Variants in PANX1 observed in about 807,000 individuals in gnomAD.
PANX1 encodes the protein pannexin 1, also known as pannexin-1.
A neutral mutation model predicts 38.7 loss-of-function variants in PANX1; 30 were observed. That is an observed-to-expected ratio of 0.78 (90% confidence interval 0.58 to 1.05). PANX1 has a LOEUF of 1.05. Among genes scored for constraint, PANX1 ranks in the 50% least tolerant of loss-of-function variants. The pLI, the probability that PANX1 is intolerant of heterozygous loss-of-function variation, is 0.00. For synonymous variants in PANX1, 230 were observed against 212.2 expected, an observed-to-expected ratio of 1.08 and a Z score of -0.73; for missense variants, 551 against 517.2, an observed-to-expected ratio of 1.07 and a Z score of -0.63.
At chr11:94,131,114 G>A (rs1469252814) in intron 1 of PANX1, among the ~76,000 whole-genome samples, 2 of 152,070 alleles carry the variant, frequency 1.3e-5, no homozygotes, top group South Asian at 2.1e-4. Flanking sequence ...TGCTGAACTC[G>A]GTGCTGACCT....
At chr11:94,132,946 T>TAG (rs1340180537) in intron 1 of PANX1, among the ~76,000 whole-genome samples, 4 of 152,162 alleles carry the variant, frequency 2.6e-5, no homozygotes, top group Non-Finnish European at 1.5e-5. Context: ...TGTTGTAGGT[T>TAG]AGAGAGAGGG....
intron 2 of PANX1, among the ~76,000 whole-genome samples, chr11:94,156,288 A>T (rs181967527): frequency 8.5e-5 from 13 of 152,358 alleles, no homozygotes; most frequent in African/African-American, 2.4e-4. Context: ...CAGTATAGGT[A>T]GCCAAACCTT....
chr11:94,134,800 C>T (rs948074296), intron 1 of PANX1, among the ~76,000 whole-genome samples: 5 of 152,090 alleles, frequency 3.3e-5, no homozygotes, highest in African/African-American at 9.7e-5. Context: ...CATCTGCAAA[C>T]TAGGAAAAGA....
At chr11:94,137,620 A>G (rs1225893675) in intron 1 of PANX1, among the ~76,000 whole-genome samples, 3 of 149,576 alleles carry the variant, frequency 2.0e-5, no homozygotes, top group Non-Finnish European at 3.0e-5. Context: ...AGGGGGCCTA[A>G]AGAGAATCTA....
At chr11:94,155,447 G>A (rs976773467) in intron 2 of PANX1, among the ~76,000 whole-genome samples, 3 of 152,020 alleles carry the variant, frequency 2.0e-5, no homozygotes, top group Non-Finnish European at 4.4e-5. Flanking sequence ...GCGGGAGGTA[G>A]AGGTTGAAGA....
intron 2 of PANX1, among the ~76,000 whole-genome samples, chr11:94,159,044 A>G (rs1946988694): frequency 6.6e-6 from 1 of 152,152 alleles, no homozygotes; most frequent in Admixed American, 6.5e-5. Context: ...TATATGCTGG[A>G]TTACATTTAT....
At chr11:94,143,679 A>G (rs766849139) in intron 1 of PANX1, among the ~76,000 whole-genome samples, 1 of 152,178 alleles carries the variant, frequency 6.6e-6, no homozygotes, top group Non-Finnish European at 1.5e-5. Context: ...TAAAGACTCC[A>G]GAGAACCTCT....
At chr11:94,149,378 C>A (rs971768397) in intron 1 of PANX1, among the ~76,000 whole-genome samples, 2 of 152,144 alleles carry the variant, frequency 1.3e-5, no homozygotes, top group African/African-American at 4.8e-5. Context: ...AAGGTGTGAC[C>A]AGCACCCTAT....
chr11:94,151,582 A>C (rs184194213), intron 1 of PANX1, among the ~76,000 whole-genome samples: 3 of 152,330 alleles, frequency 2.0e-5, no homozygotes, highest in Admixed American at 2.0e-4. Flanking sequence ...TTAGGTATTT[A>C]CTGTTGCCCT....
chr11:94,153,203 G>T lies in PANX1; in HGVS notation c.182-288G>T, dbSNP rs1017782733. Among the ~76,000 whole-genome samples, 5 of 151,924 alleles carry T rather than the reference G, an allele frequency of 3.3e-5. No homozygotes were observed. The East Asian group carries it at 9.7e-4, about 29-fold the overall frequency. ...CTCCACGCTTGCCTCTTGAATTCTGGGCTCTGGTTCTTTTCCTGCTTCCTT... is the reference window on the plus strand; with the variant it reads ...CTCCACGCTTGCCTCTTGAATTCTGTGCTCTGGTTCTTTTCCTGCTTCCTT... On this transcript the variant is annotated intron_variant, in intron 1 of 4. Coordinates refer to ENST00000227638, the MANE Select transcript of PANX1 (RefSeq NM_015368.4).
chr11:94,159,693 G>A (rs34032481), intron 2 of PANX1, among the ~76,000 whole-genome samples: 82,172 of 151,402 alleles, frequency 0.54, 23,131 homozygotes, highest in African/African-American at 0.68. Context: ...GGATTTATTG[G>A]TTGTTTGAAG....
chr11:94,178,311 C>T, intron 2 of PANX1, 58 bp from the exon 3 acceptor site: 4 of 1,305,376 alleles, frequency 3.1e-6, no homozygotes, highest in Non-Finnish European at 4.4e-6. Context: ...TCACTTGGCG[C>T]CATAGGTTAC....
Position 94,180,057 on chromosome 11 carries a change from T to TA in PANX1, c.1001_1002insA (p.Phe334LeufsTer8), listed in dbSNP as rs1420055472. On this transcript the variant is annotated frameshift_variant, in exon 4 of 5. Coordinates refer to ENST00000227638, the MANE Select transcript of PANX1 (RefSeq NM_015368.4). LOFTEE classifies it high-confidence loss of function. ...AACGATTTGAGCCTCTACAATCTCT[T>TA]CTTGGAGGAAAATATAAGTGAGGTC... The TA allele has an allele frequency of 6.2e-7, 1 of 1,612,540 alleles. No individual in the cohort carries two copies. Among genetic ancestry groups the TA allele is most frequent in the Admixed American group, 1.7e-5 (1 of 59,954 alleles).
chr11:94,179,276 CT>C (rs1404958788), intron 3 of PANX1, among the ~76,000 whole-genome samples: 1 of 152,154 alleles, frequency 6.6e-6, no homozygotes, highest in African/African-American at 2.4e-5. Context: ...CCCATACCCC[CT>C]GAGTTGTCCC....
chr11:94,158,589 C>G (rs1389764406), intron 2 of PANX1, among the ~76,000 whole-genome samples: 1 of 152,128 alleles, frequency 6.6e-6, no homozygotes, highest in Non-Finnish European at 1.5e-5. Flanking sequence ...GATTTTTGCA[C>G]ATTGATTTTG....
At chr11:94,176,763 A>T (rs1345252305) in intron 2 of PANX1, among the ~76,000 whole-genome samples, 1 of 151,638 alleles carries the variant, frequency 6.6e-6, no homozygotes, top group Non-Finnish European at 1.5e-5. Flanking sequence ...GAGTAAAGTA[A>T]TTGAGAGTGT....
At chr11:94,130,631 G>A (rs1223195059) in intron 1 of PANX1, among the ~76,000 whole-genome samples, 1 of 152,178 alleles carries the variant, frequency 6.6e-6, no homozygotes, top group Non-Finnish European at 1.5e-5. Context: ...CAAGGCATCG[G>A]CTGAGGTCTT....
At chr11:94,144,234 T>C (rs991230281) in intron 1 of PANX1, among the ~76,000 whole-genome samples, 17 of 152,014 alleles carry the variant, frequency 1.1e-4, no homozygotes, top group Admixed American at 9.8e-4. Flanking sequence ...CCCTCCCCCA[T>C]TTTTTTTCCA....
chr11:94,179,874 TC>T lies in PANX1; in HGVS notation c.820del (p.Gln274SerfsTer55), dbSNP rs1947283504. On this transcript the variant is annotated frameshift_variant, in exon 4 of 5. Transcript: ENST00000227638. LOFTEE classifies it high-confidence loss of function. ...TGCAAACTCATTGCCGTGGGCATCT[TC>T]CAGTTGCTCAGTGTCATTAACCTTG... is the stretch of plus-strand genomic sequence containing the variant. ...FQCKLIAVGI[F>X]QLLSVINLVV... The T allele has an allele frequency of 6.2e-7, 1 of 1,614,110 alleles. No individual in the cohort carries two copies. The highest frequency in any genetic ancestry group is 8.5e-7 in the Non-Finnish European group (1 of 1,180,010).
Sources: allele counts gnomAD v4.1 joint callset (sites outside exome capture counted in the v4.1 genomes callset), GRCh38; gene constraint gnomAD v4.1.1; transcripts MANE v1.5; gene names NCBI Gene and HGNC (gene_info 2026-07-23, HGNC 2026-07-21).